SH3PXD2B: variants seen among roughly 807,000 people sequenced by gnomAD.
The protein encoded by SH3PXD2B is SH3 and PX domains 2B, also known as SH3 and PX domain-containing protein 2B.
A neutral mutation model predicts 73.1 loss-of-function variants in SH3PXD2B; 37 were observed. The ratio of observed to expected loss-of-function variants is 0.51; its 90% CI spans 0.39 to 0.67. The LOEUF (loss-of-function observed/expected upper bound fraction) is 0.67. SH3PXD2B is among the 30% of genes least tolerant of loss of function. The probability of loss-of-function intolerance (pLI) is 0.00; values close to 1 mark genes in which losing one functional copy is unlikely to be tolerated. For synonymous variants in SH3PXD2B, 457 were observed against 480.5 expected (o/e 0.95, Z 0.64); for missense variants, 1,053 against 1,197.8 (o/e 0.88, Z 1.78).
intron 1 of SH3PXD2B, among the ~76,000 whole-genome samples, chr5:172,428,254 C>T (rs1254470872): frequency 6.6e-6 from 1 of 152,114 alleles, no homozygotes; most frequent in African/African-American, 2.4e-5. Flanking sequence ...AAACAACCAA[C>T]CAGATTACAA....
In SH3PXD2B at chr5:172,338,868, G is replaced by A; in HGVS notation, c.2237C>T (p.Pro746Leu). 1 of 1,612,532 alleles carries A rather than the reference G, an allele frequency of 6.2e-7. No individual in the cohort carries two copies. Among genetic ancestry groups the A allele is most frequent in the Non-Finnish European group, 8.5e-7 (1 of 1,178,650 alleles). The change falls in exon 13 of 13, where the codon CCT becomes CTT. Residue 746 changes from proline to leucine, a missense_variant. Around this residue, in one of 2 missense-constraint regions of SH3PXD2B, gnomAD observed 587 missense variants for 590.7 expected, o/e 0.99. Transcript: ENST00000311601. The surrounding 1 kb of genome is among the most constrained non-coding windows in gnomAD (Gnocchi z 5.1). ...TDPVSKSVPV[P>L]LQEAPQQRPV... ...TCTCTGCTGGGGAGCCTCTTGGAGAGGAACAGGCACGCTCTTAGACACAGG... is the reference window on the plus strand; with the variant it reads ...TCTCTGCTGGGGAGCCTCTTGGAGAAGAACAGGCACGCTCTTAGACACAGG...
chr5:172,343,603 C>T (rs574006960), intron 12 of SH3PXD2B, among the ~76,000 whole-genome samples: 2 of 152,222 alleles, frequency 1.3e-5, no homozygotes, highest in African/African-American at 4.8e-5. Context: ...GAGTTCGAGA[C>T]TAGCCTGGCC....
chr5:172,428,881 G>T (rs1203661473), intron 1 of SH3PXD2B, among the ~76,000 whole-genome samples: 3 of 152,182 alleles, frequency 2.0e-5, no homozygotes, highest in African/African-American at 7.2e-5. Context: ...AACTAGCAGG[G>T]CACAGCTCAG....
chr5:172,329,858 G>A (rs112256938), downstream of SH3PXD2B, among the ~76,000 whole-genome samples: 3,604 of 152,156 alleles, frequency 0.024, 142 homozygotes, highest in African/African-American at 0.082. Context: ...TCTTAAGAGG[G>A]GATGAACCTG....
chr5:172,346,257 C>G lies in SH3PXD2B; in HGVS notation c.1067G>C (p.Arg356Pro). ...PPPRRDMTIP[R>P]GLNLPKPPIP... is the part of the protein sequence containing the mutation. The stretch of plus-strand genomic sequence containing the variant: ...GGGCGGCTTCGGCAGGTTGAGGCCT[C>G]GAGGCTGGTACGATCACACACAGGG... The change falls in exon 12 of 13, where the codon CGA becomes CCA. Residue 356 changes from arginine to proline, a missense_variant. Physicochemically the swap from Arg to Pro is moderately radical, Grantham distance 103 (BLOSUM62 -2). This residue lies in a region of SH3PXD2B where 466 missense variants were observed against 607.1 expected (regional missense o/e 0.77). Transcript: ENST00000311601. 6.2e-7 allele frequency: 1 copy of G among 1,613,716 alleles called. No individual in the cohort carries two copies.
chr5:172,350,646 C>G (rs894276878), intron 9 of SH3PXD2B, 57 bp from the exon 10 acceptor site: 93 of 1,516,446 alleles, frequency 6.1e-5, no homozygotes, highest in South Asian at 2.9e-4. Flanking sequence ...AGGGAAGAAG[C>G]CTTGCTCCTA....
At chr5:172,329,248 G>GT (rs5873307), downstream of SH3PXD2B, among the ~76,000 whole-genome samples, 11 of 148,444 alleles carry the variant, frequency 7.4e-5, no homozygotes, top group East Asian at 2.0e-4. Context: ...GCCCAGCTAA[G>GT]TTTTTTTGTA....
intron 1 of SH3PXD2B, among the ~76,000 whole-genome samples, chr5:172,451,854 G>C (rs965564801): frequency 1.3e-5 from 2 of 152,248 alleles, no homozygotes; most frequent in Non-Finnish European, 2.9e-5. Context: ...CTGCCATCAA[G>C]GCAGTAAATG....
In SH3PXD2B at chr5:172,334,169, G is replaced by A. The variant is rs1756632627; in HGVS notation, c.*4200C>T. On this transcript the variant is annotated 3_prime_UTR_variant, in exon 13 of 13. Coordinates refer to ENST00000311601, the MANE Select transcript of SH3PXD2B (RefSeq NM_001017995.3). ...ATGGAATGTTGAAACATGAGGAGGA[G>A]CTCGATAACTTGGCAGAATAGCACC... The A allele has an allele frequency of 9.0e-7, 1 of 1,108,558 alleles. No homozygotes were observed. The highest frequency in any genetic ancestry group is 2.2e-5 in the South Asian group (1 of 45,034). The allele number at this position is 1,108,558 out of a possible 1,614,324, so 68.7% of individuals were successfully genotyped here. A position where few individuals can be genotyped will look rare whatever the true frequency, so the allele number is the denominator to read the frequency against.
chr5:172,334,592 A>G lies in SH3PXD2B; in HGVS notation c.*3777T>C, dbSNP rs776681857. The stretch of plus-strand genomic sequence containing the variant: ...GTCCAAAGAGAAAGGTACGGCCTCC[A>G]AGGGGGCAGCTTAAGCCAACATGTA... On this transcript the variant is annotated 3_prime_UTR_variant, in exon 13 of 13. Transcript: ENST00000311601. 5 of 985,510 alleles carry G rather than the reference A, an allele frequency of 5.1e-6. No homozygotes were observed. Among genetic ancestry groups the G allele is most frequent in the Non-Finnish European group, 6.0e-6 (5 of 829,966 alleles). 61.0% of individuals were successfully genotyped at this position (985,510 alleles called of 1,614,324 possible).
At chr5:172,369,799 A>ACCCCCCCCCAC (rs1198369340) in intron 6 of SH3PXD2B, among the ~76,000 whole-genome samples, 1 of 148,438 alleles carries the variant, frequency 6.7e-6, no homozygotes, top group Non-Finnish European at 1.5e-5. Flanking sequence ...AAAAACCCCA[A>ACCCCCCCCCAC]CCCCTCCCCA....
intron 6 of SH3PXD2B, among the ~76,000 whole-genome samples, chr5:172,368,525 A>AAAATATG (rs1757594824): frequency 1.3e-4 from 3 of 22,306 alleles, no homozygotes; most frequent in African/African-American, 3.3e-4. Flanking sequence ...ATATATATAT[A>AAAATATG]TTATATATAT....
At chr5:172,391,604 A>G (rs1422836779) in intron 4 of SH3PXD2B, among the ~76,000 whole-genome samples, 1 of 152,134 alleles carries the variant, frequency 6.6e-6, no homozygotes, top group Non-Finnish European at 1.5e-5. Flanking sequence ...CTGGGATTAC[A>G]AGCGTGTGCC....
intron 2 of SH3PXD2B, among the ~76,000 whole-genome samples, chr5:172,416,112 G>A (rs1023498462): frequency 6.6e-6 from 1 of 152,154 alleles, no homozygotes; most frequent in African/African-American, 2.4e-5. Flanking sequence ...TGGGTGACTT[G>A]AGTCCAGGAG....
At position 172,419,235 on chromosome 5, in the gene SH3PXD2B, A is replaced by G. The variant is rs186736568; in HGVS notation, c.156+3181T>C. On this transcript the variant is annotated intron_variant, in intron 2 of 12. Transcript: ENST00000311601. ...TGCGCTGGAACAGGGAACTCAGAGA[A>G]CCCAGTCCACCTTGCACAGGGCCTG... Among the ~76,000 whole-genome samples the G allele has an allele frequency of 2.8e-4, 42 of 152,248 alleles. No individual in the cohort carries two copies. In the East Asian group the frequency reaches 7.5e-3, roughly 27 times the overall value.
Position 172,348,989 on chromosome 5 carries a change from A to G in SH3PXD2B, c.1012+1374T>C, listed in dbSNP as rs1023558832. 2.6e-5 allele frequency among the ~76,000 whole-genome samples: 4 copies of G among 152,202 alleles called. No individual in the cohort carries two copies. The East Asian group carries it at 5.8e-4, about 22-fold the overall frequency. The stretch of plus-strand genomic sequence containing the variant: ...CAGCCTCCCAAAGCACTGGGATTAC[A>G]GTCGTGAGCCACTGTGCCCAGCCTG... On this transcript the variant is annotated intron_variant, in intron 10 of 12. Transcript: ENST00000311601.
At chr5:172,372,506 T>A (rs1757728307) in intron 6 of SH3PXD2B, among the ~76,000 whole-genome samples, 1 of 152,128 alleles carries the variant, frequency 6.6e-6, no homozygotes, top group Non-Finnish European at 1.5e-5. Flanking sequence ...TTATAAATTA[T>A]CCAGTCACAG....
chr5:172,439,906 G>A (rs757101177), intron 1 of SH3PXD2B, among the ~76,000 whole-genome samples: 2 of 152,194 alleles, frequency 1.3e-5, no homozygotes, highest in Non-Finnish European at 2.9e-5. Flanking sequence ...CCAGGCCTCT[G>A]GCTGCCAGCT....
At chr5:172,396,616 CT>C (rs34169390) in intron 3 of SH3PXD2B, among the ~76,000 whole-genome samples, 44,943 of 126,378 alleles carry the variant, frequency 0.36, 6,633 homozygotes, top group East Asian at 0.62. Context: ...GAGAGAAAGC[CT>C]TTTTTTTTTT....
Sources: allele counts gnomAD v4.1 joint callset (sites outside exome capture counted in the v4.1 genomes callset), GRCh38; gene constraint gnomAD v4.1.1; regional missense constraint gnomAD v4.1.1; non-coding constraint Gnocchi (gnomAD v3.1); transcripts MANE v1.5; gene names NCBI Gene and HGNC (gene_info 2026-07-23, HGNC 2026-07-21).